The following ANKRD44 variants were observed in gnomAD, a reference collection of about 807,000 sequenced individuals.
The protein encoded by ANKRD44 is ankyrin repeat domain 44, also known as serine/threonine-protein phosphatase 6 regulatory ankyrin repeat subunit B.
Under a neutral mutation model 116.0 loss-of-function variants are expected in ANKRD44, and 35 were observed. That is an observed-to-expected ratio of 0.30 (90% CI 0.23 to 0.40). The LOEUF (loss-of-function observed/expected upper bound fraction) is 0.40. ANKRD44 is among the 10% of genes least tolerant of loss of function. The pLI is 1.00. For missense variants in ANKRD44, 1,014 were observed against 1,242.6 expected, an observed-to-expected ratio of 0.82 and a Z score of 2.77; for synonymous variants, 435 against 461.8, an observed-to-expected ratio of 0.94 and a Z score of 0.74.
At chr2:196,990,140 A>G (rs72922643) in intron 27 of ANKRD44, 3 of 987,428 alleles carry the variant, frequency 3.0e-6, no homozygotes, top group African/African-American at 1.7e-5. Flanking sequence ...TATAGAGAGG[A>G]TATAAATAGT....
intron 17 of ANKRD44, among the ~76,000 whole-genome samples, 184 bp from the exon 18 acceptor site, chr2:197,013,896 T>G (rs1232389207): frequency 6.6e-6 from 1 of 152,216 alleles, no homozygotes; most frequent in African/African-American, 2.4e-5. Context: ...AACACTACAA[T>G]GCACAAACCT....
chr2:197,005,767 C>T lies in ANKRD44; in HGVS notation c.2274G>A (p.Met758Ile), dbSNP rs769307375. 1.2e-6 allele frequency: 2 copies of T among 1,614,212 alleles called. No individual in the cohort carries two copies. The highest frequency in any genetic ancestry group is 1.3e-5 in the African/African-American group (1 of 75,062). ...HATWLSELLQ[M>I]ALSEEDCCFK... The stretch of plus-strand genomic sequence containing the variant: ...AACAACAGTCCTCCTCAGAAAGAGC[C>T]ATTTGGAGCAGCTCGCTCAGCCACG... The change falls in exon 21 of 28, where the codon ATG (methionine) becomes ATA (isoleucine). Residue 758 changes from methionine to isoleucine, a missense_variant. Transcript: ENST00000282272.
chr2:197,226,614 A>C (rs973424801), intron 1 of ANKRD44, among the ~76,000 whole-genome samples: 4 of 152,236 alleles, frequency 2.6e-5, no homozygotes, highest in African/African-American at 9.6e-5. Flanking sequence ...CAGTGAGCTC[A>C]GATCGACCAC....
chr2:197,192,563 G>A (rs1324094900), intron 1 of ANKRD44, among the ~76,000 whole-genome samples: 1 of 152,176 alleles, frequency 6.6e-6, no homozygotes, highest in Non-Finnish European at 1.5e-5. Flanking sequence ...GCCATATGAA[G>A]CCATCAACTT....
chr2:197,130,418 C>G (rs2079069213), intron 4 of ANKRD44, among the ~76,000 whole-genome samples: 1 of 152,160 alleles, frequency 6.6e-6, no homozygotes, highest in Non-Finnish European at 1.5e-5. Flanking sequence ...AAAGTATGAC[C>G]AGTGTTTAAT....
intron 2 of ANKRD44, among the ~76,000 whole-genome samples, chr2:197,154,373 G>C (rs1224871547): frequency 6.6e-6 from 1 of 151,392 alleles, no homozygotes; most frequent in East Asian, 1.9e-4. Context: ...TAGAGACGGG[G>C]TTTCACCATG....
At chr2:197,167,521 C>G (rs1195692309) in intron 2 of ANKRD44, among the ~76,000 whole-genome samples, 1 of 152,116 alleles carries the variant, frequency 6.6e-6, no homozygotes, top group Admixed American at 6.5e-5. Context: ...TTCCCAGAAC[C>G]CAAATCAAGA....
At chr2:197,236,042 C>A (rs553273307) in intron 1 of ANKRD44, among the ~76,000 whole-genome samples, 4 of 152,176 alleles carry the variant, frequency 2.6e-5, no homozygotes, top group Admixed American at 2.6e-4. Context: ...TTGATGGGAA[C>A]AGGACCAGAG....
In ANKRD44 at chr2:197,013,623, C is replaced by T; in HGVS notation, c.1812G>A (p.Leu604=). The T allele has an allele frequency of 6.2e-7, 1 of 1,614,156 alleles. No homozygotes were observed. Among genetic ancestry groups the T allele is most frequent in the Admixed American group, 1.7e-5 (1 of 60,022 alleles). The stretch of plus-strand genomic sequence containing the variant: ...TGTGTCCTTTAAAGGCAGCCAGATC[C>T]AGAGCAGTGCGGCCTTTCTCATCCC... ...DIRDEKGRTA[L]DLAAFKGHTE... Residue 604 remains leucine (L), a synonymous_variant, in exon 18 of 28, where the codon CTG becomes CTA. Transcript: ENST00000282272.
rs1471752616 is a variant in ANKRD44, at chr2:197,113,658, T to C, written c.907-2814A>G. ...CAGAAGTGATCTCTGAAGTGTGTGG[T>C]GGGCAAAGCCAGGCCCATTTCAGGG... On this transcript the variant is annotated intron_variant, in intron 8 of 27. Transcript: ENST00000282272. Among the ~76,000 whole-genome samples the C allele has an allele frequency of 2.6e-5, 4 of 152,220 alleles. No individual in the cohort carries two copies. The East Asian group carries it at 7.7e-4, about 29-fold the overall frequency.
chr2:197,160,532 GC>G (rs2079934445), intron 2 of ANKRD44, among the ~76,000 whole-genome samples: 2 of 152,114 alleles, frequency 1.3e-5, no homozygotes, highest in Non-Finnish European at 2.9e-5. Flanking sequence ...GGCCATTGTA[GC>G]CTGTCCTATC....
At chr2:197,040,166 G>C (rs763544180) in intron 16 of ANKRD44, among the ~76,000 whole-genome samples, 1 of 150,874 alleles carries the variant, frequency 6.6e-6, no homozygotes, top group Non-Finnish European at 1.5e-5. Context: ...TTGAACCCAG[G>C]AGGTAGAGGT....
intron 2 of ANKRD44, among the ~76,000 whole-genome samples, chr2:197,153,105 G>T (rs1478511196): frequency 1.3e-5 from 2 of 151,466 alleles, no homozygotes; most frequent in African/African-American, 4.9e-5. Flanking sequence ...TACTTGGGAG[G>T]CTGAGGTGGG....
chr2:196,978,267 C>T (rs932048441), intron 21 of ANKRD44, among the ~76,000 whole-genome samples: 1 of 150,408 alleles, frequency 6.6e-6, no homozygotes, highest in Non-Finnish European at 1.5e-5. Flanking sequence ...GCACCTCTCC[C>T]CTCTCTCTCC....
rs2075799537 is a variant in ANKRD44 at position 196,981,259 on chromosome 2, A to G, written c.2368+12324T>C. On this transcript the variant is annotated intron_variant, in intron 21 of 21. Coordinates refer to the ANKRD44 transcript ENST00000424317. The stretch of plus-strand genomic sequence containing the variant: ...CAGTTTAGAATCCATGATCTACATA[A>G]TCACATCCATTAAAAGCACCACAGT... Among the ~76,000 whole-genome samples, 3 of 152,156 alleles carry G rather than the reference A, an allele frequency of 2.0e-5. No homozygotes were observed. In the South Asian group the frequency reaches 6.2e-4, roughly 32 times the overall value.
At chr2:197,265,858 T>C (rs2697275) in intron 1 of ANKRD44, among the ~76,000 whole-genome samples, 27,043 of 152,080 alleles carry the variant, frequency 0.18, 2,532 homozygotes, top group Middle Eastern at 0.28. Flanking sequence ...TTTGGCTTTA[T>C]TAGCAGTATG....
rs1199359452 is a variant in ANKRD44 at position 197,013,727 on chromosome 2, C to T, written c.1723-15G>A. On this transcript the variant is annotated splice_polypyrimidine_tract_variant and intron_variant, in intron 17 of 27. Coordinates refer to ENST00000282272, the MANE Select transcript of ANKRD44 (RefSeq NM_001195144.2). ...CCATTGTAGGCCTGCAAAGAAGAAA[C>T]CAATGGCTCCCATGCTTGCTCGCTC... 6.2e-6 allele frequency: 10 copies of T among 1,611,878 alleles called. No individual in the cohort carries two copies. Among genetic ancestry groups the T allele is most frequent in the South Asian group, 3.3e-5 (3 of 90,992 alleles).
rs1443564842 is a variant in ANKRD44 at position 197,254,425 on chromosome 2, T to C, written c.27+56153A>G. ...AAAAAAAACTTCCAACTCCAGCCTG[T>C]AATTGGCCAGAAATGTCAGTACTTT... is the stretch of plus-strand genomic sequence containing the variant. On this transcript the variant is annotated intron_variant, in intron 1 of 27. Coordinates refer to ENST00000282272, the MANE Select transcript of ANKRD44 (RefSeq NM_001195144.2). Among the ~76,000 whole-genome samples the C allele has an allele frequency of 2.6e-5, 4 of 152,230 alleles. No individual in the cohort carries two copies. The East Asian group carries it at 7.7e-4, about 29-fold the overall frequency.
intron 21 of ANKRD44, among the ~76,000 whole-genome samples, chr2:196,967,858 G>A (rs1049915239): frequency 2.0e-5 from 3 of 152,068 alleles, no homozygotes; most frequent in Non-Finnish European, 2.9e-5. Flanking sequence ...CCCCAATGCT[G>A]GAGGTGGGGT....
Sources: gnomAD v4.1 joint callset for allele counts (sites outside exome capture counted in the v4.1 genomes callset) on GRCh38, gnomAD v4.1.1 for gene constraint, MANE v1.5 for transcripts, NCBI Gene and HGNC (gene_info 2026-07-23, HGNC 2026-07-21) for gene names.